The following RBFOX1 variants were observed in gnomAD, a reference collection of about 807,000 sequenced individuals.
RBFOX1 encodes the protein RNA binding protein fox-1 homolog 1.
Under a neutral mutation model 57.7 loss-of-function variants are expected in RBFOX1, and 8 were observed. The observed-to-expected ratio is 0.14, with a 90% CI of 0.08 to 0.25. The LOEUF (loss-of-function observed/expected upper bound fraction) is 0.25, where lower values mean the gene tolerates loss of function less well. RBFOX1 is among the 10% of genes least tolerant of loss of function. The pLI, the probability that RBFOX1 is intolerant of heterozygous loss-of-function variation, is 1.00. For synonymous variants in RBFOX1, 326 were observed against 222.4 expected (o/e 1.47, Z -4.15); for missense variants, 611 against 548.5 (o/e 1.11, Z -1.14).
At chr16:6,405,453 A>G (rs188451480) in intron 2 of RBFOX1, among the ~76,000 whole-genome samples, 9 of 152,270 alleles carry the variant, frequency 5.9e-5, no homozygotes, top group Non-Finnish European at 1.0e-4. Context: ...TCACCATCCC[A>G]CCACCGTATC....
At chr16:6,468,097 T>C (rs543687032) in intron 2 of RBFOX1, among the ~76,000 whole-genome samples, 4 of 152,154 alleles carry the variant, frequency 2.6e-5, no homozygotes, top group Non-Finnish European at 5.9e-5. Flanking sequence ...GTGATTTTTC[T>C]CTGCACAGAA....
chr16:6,878,521 C>A (rs557936101), intron 3 of RBFOX1, among the ~76,000 whole-genome samples: 1 of 152,148 alleles, frequency 6.6e-6, no homozygotes, highest in Non-Finnish European at 1.5e-5. Context: ...TTTTGTTATT[C>A]CTGGACCTTT....
intron 3 of RBFOX1, among the ~76,000 whole-genome samples, chr16:5,665,444 T>G (rs1024921389): frequency 6.6e-5 from 10 of 152,228 alleles, no homozygotes; most frequent in Non-Finnish European, 1.3e-4. Flanking sequence ...TCTGGCCTCC[T>G]TCCTGATAAA....
chr16:6,248,021 C>G (rs1335280009), intron 1 of RBFOX1, among the ~76,000 whole-genome samples: 1 of 152,176 alleles, frequency 6.6e-6, no homozygotes, highest in Middle Eastern at 3.2e-3. Flanking sequence ...GCTTTATCAT[C>G]AATCCCTTCA....
chr16:6,868,260 C>CA (rs1490893205), intron 3 of RBFOX1, among the ~76,000 whole-genome samples: 1 of 152,038 alleles, frequency 6.6e-6, no homozygotes, highest in Non-Finnish European at 1.5e-5. Flanking sequence ...GCAGTGGACA[C>CA]AGGAAGTGGC....
At chr16:6,547,320 T>A (rs1230431918) in intron 2 of RBFOX1, among the ~76,000 whole-genome samples, 1 of 152,238 alleles carries the variant, frequency 6.6e-6, no homozygotes, top group African/African-American at 2.4e-5. Context: ...ATTTCACTGT[T>A]GTTAATGACT....
chr16:7,199,561 A>C (rs80018229), intron 4 of RBFOX1, among the ~76,000 whole-genome samples: 5,550 of 152,292 alleles, frequency 0.036, 149 homozygotes, highest in Middle Eastern at 0.068. Context: ...TTCCATACAC[A>C]GAATCAGCCA....
chr16:7,462,346 T>A (rs1305250733), intron 4 of RBFOX1, among the ~76,000 whole-genome samples: 1 of 152,058 alleles, frequency 6.6e-6, no homozygotes, highest in African/African-American at 2.4e-5. Flanking sequence ...AACACAAAAA[T>A]TTGCCTGGTA....
intron 1 of RBFOX1, among the ~76,000 whole-genome samples, chr16:5,268,827 C>G (rs551729772): frequency 6.6e-6 from 1 of 152,298 alleles, no homozygotes; most frequent in African/African-American, 2.4e-5. Flanking sequence ...TAAACTGTTT[C>G]TCACAGTGGC....
chr16:7,631,090 C>T (rs913651594), intron 11 of RBFOX1, among the ~76,000 whole-genome samples: 6 of 152,170 alleles, frequency 3.9e-5, no homozygotes, highest in Admixed American at 2.0e-4. Flanking sequence ...AGTTGTCTCA[C>T]GATGGAAAAT....
intron 4 of RBFOX1, among the ~76,000 whole-genome samples, chr16:7,507,649 C>T (rs914346192): frequency 6.7e-6 from 1 of 149,634 alleles, no homozygotes; most frequent in African/African-American, 2.5e-5. Context: ...CTGCAAGCTC[C>T]GCCTCCCGGG....
At chr16:6,939,752 T>G (rs1042535569) in intron 3 of RBFOX1, among the ~76,000 whole-genome samples, 1 of 152,112 alleles carries the variant, frequency 6.6e-6, no homozygotes, top group African/African-American at 2.4e-5. Flanking sequence ...CCTCAAATGA[T>G]CAGCCTGCCT....
intron 2 of RBFOX1, among the ~76,000 whole-genome samples, chr16:5,489,163 A>G (rs1451256355): frequency 6.6e-6 from 1 of 152,162 alleles, no homozygotes. Context: ...AGGTTGGGGT[A>G]TTTCTGCATG....
intron 2 of RBFOX1, among the ~76,000 whole-genome samples, chr16:6,616,645 A>G (rs1301118543): frequency 6.6e-6 from 1 of 152,350 alleles, no homozygotes. Context: ...ACTGCACTCC[A>G]GCCTGGGCGA....
chr16:6,193,211 G>C (rs1041867144), intron 1 of RBFOX1, among the ~76,000 whole-genome samples: 1 of 151,170 alleles, frequency 6.6e-6, no homozygotes, highest in Non-Finnish European at 1.5e-5. Context: ...GGGGACTCTC[G>C]CAGCAGATTG....
chr16:5,255,326 A>ATCCATCCATCCATCCC (rs2062558625), intron 1 of RBFOX1, among the ~76,000 whole-genome samples: 1 of 110,786 alleles, frequency 9.0e-6, no homozygotes, highest in Non-Finnish European at 1.9e-5. Context: ...ACTTCCTTCC[A>ATCCATCCATCCATCCC]TCCATCCATC....
chr16:7,609,847 T>C (rs1184991954), intron 10 of RBFOX1, among the ~76,000 whole-genome samples: 1 of 151,786 alleles, frequency 6.6e-6, no homozygotes, highest in Non-Finnish European at 1.5e-5. Flanking sequence ...AGATGGAGTT[T>C]TGCTCTGTCT....
intron 4 of RBFOX1, among the ~76,000 whole-genome samples, chr16:7,208,167 A>T (rs759763839): frequency 4.6e-5 from 7 of 152,150 alleles, no homozygotes; most frequent in South Asian, 2.1e-4. Flanking sequence ...CAGGTATCTT[A>T]CTTGGGCTGA....
At chr16:5,663,946 C>T (rs944648796) in intron 3 of RBFOX1, among the ~76,000 whole-genome samples, 1 of 152,118 alleles carries the variant, frequency 6.6e-6, no homozygotes, top group Admixed American at 6.5e-5. Context: ...CCTTCAGGGA[C>T]AAGCCAGCAC....
Sources: gnomAD v4.1 joint callset for allele counts (sites outside exome capture counted in the v4.1 genomes callset) on GRCh38, gnomAD v4.1.1 for gene constraint, MANE v1.5 for transcripts, NCBI Gene and HGNC (gene_info 2026-07-23, HGNC 2026-07-21) for gene names.